OR4K1: variants seen among roughly 807,000 people sequenced by gnomAD.
The protein encoded by OR4K1 is olfactory receptor 4K1.
A neutral mutation model predicts 14.4 loss-of-function variants in OR4K1; 16 were observed. That is an observed-to-expected ratio of 1.11 (90% CI 0.75 to 1.68). OR4K1 has a LOEUF of 1.68. Among genes scored for constraint, OR4K1 ranks in the 40% most tolerant of loss-of-function variants. OR4K1 has a pLI of 0.00. For synonymous variants in OR4K1, 181 were observed against 133.1 expected (o/e 1.36, Z -2.48); for missense variants, 548 against 376.9 (o/e 1.45, Z -3.76).
chr14:19,930,876 T>C (rs1882169317), upstream of OR4K1: 5 of 152,404 alleles, frequency 3.3e-5, no homozygotes, highest in South Asian at 1.0e-3. Flanking sequence ...AGGCTTTATA[T>C]TGTATTGCCT....
At chr14:19,923,497 G>T in the OR4K1 span, among the ~76,000 whole-genome samples, 6 of 152,252 alleles carry the variant, frequency 3.9e-5, no homozygotes, top group South Asian at 8.3e-4. Context: ...GACATACAAA[G>T]ATATTTATTA....
rs779488081 is a variant in OR4K1, at chr14:19,935,825, C to T, written c.159C>T (p.Ser53=). The change falls in exon 2 of 2, where the codon TCC becomes TCT. Residue 53 remains serine, a synonymous_variant. Coordinates refer to ENST00000641172, the MANE Select transcript of OR4K1 (RefSeq NM_001004063.3). ...VLIIVIISFD[S]HLNSPMYFLL... ...TTATTGTCATTATTTCTTTTGACTC[C>T]CATTTGAACTCTCCTATGTACTTCT... 1.2e-6 allele frequency: 2 copies of T among 1,614,180 alleles called. No homozygotes were observed. The highest frequency in any genetic ancestry group is 2.2e-5 in the South Asian group (2 of 91,082).
At position 19,936,509 on chromosome 14, in the gene OR4K1, G is replaced by C. The variant is rs1172656944; in HGVS notation, c.843G>C (p.Leu281Phe). Residue 281 changes from leucine (L) to phenylalanine (F), a missense_variant, in exon 2 of 2, where the codon TTG becomes TTC. Transcript: ENST00000641172. Reference sequence around the variant, plus strand: ...TGTTCTACACTGTTTGTACTCCCTTGTTGAACCCCATCATCTACTCTCTGA... The same window carrying C: ...TGTTCTACACTGTTTGTACTCCCTTCTTGAACCCCATCATCTACTCTCTGA... Reference protein sequence around the residue: ...LSVFYTVCTPLLNPIIYSLRN... With the variant: ...LSVFYTVCTPFLNPIIYSLRN... 6.2e-7 allele frequency: 1 copy of C among 1,613,676 alleles called. No homozygotes were observed. The highest frequency in any genetic ancestry group is 2.2e-5 in the East Asian group (1 of 44,900).
chr14:19,923,720 G>C, the OR4K1 span, among the ~76,000 whole-genome samples: 2 of 152,326 alleles, frequency 1.3e-5, no homozygotes, highest in African/African-American at 4.8e-5. Flanking sequence ...GTAATGAAGA[G>C]TGTATTAGTA....
At chr14:19,920,610 G>T in the OR4K1 span, 53 of 1,601,434 alleles carry the variant, frequency 3.3e-5, no homozygotes, top group African/African-American at 6.5e-4. Flanking sequence ...TGGAACCATG[G>T]ATAAGTCCAA....
In OR4K1 at chr14:19,935,509, T is replaced by C. The variant is rs1882284319; in HGVS notation, c.-19-139T>C. 8 of 686,300 alleles carry C rather than the reference T, an allele frequency of 1.2e-5. No homozygotes were observed. In the Admixed American group the frequency reaches 2.5e-4, roughly 21 times the overall value. 42.5% of individuals were successfully genotyped at this position (686,300 alleles called of 1,614,324 possible). On this transcript the variant is annotated intron_variant, in intron 1 of 1. Coordinates refer to ENST00000641172, the MANE Select transcript of OR4K1 (RefSeq NM_001004063.3). ...GGATGTTAAATATTAGTCAACTGAG[T>C]ATTTACATACGTAAATATATGTAAC...
upstream of OR4K1, among the ~76,000 whole-genome samples, chr14:19,926,660 A>G (rs1882069278): frequency 6.6e-6 from 1 of 152,338 alleles, no homozygotes; most frequent in Non-Finnish European, 1.5e-5. Context: ...CATAAATACT[A>G]CTTTAGATCA....
At chr14:19,920,893 G>T in the OR4K1 span, 1 of 1,614,176 alleles carries the variant, frequency 6.2e-7, no homozygotes, top group Non-Finnish European at 8.5e-7. Context: ...TCTTTCAGTG[G>T]CTGCATAGCC....
At chr14:19,932,339 C>CTCT (rs1162693223) in intron 1 of OR4K1, among the ~76,000 whole-genome samples, 5 of 151,390 alleles carry the variant, frequency 3.3e-5, no homozygotes, top group Non-Finnish European at 7.4e-5. Context: ...TTTCTTCCTC[C>CTCT]TCCTCCTCCT....
chr14:19,928,137 C>T (rs1882099883), upstream of OR4K1, among the ~76,000 whole-genome samples: 1 of 152,212 alleles, frequency 6.6e-6, no homozygotes, highest in South Asian at 2.1e-4. Context: ...AATTTTGTGT[C>T]ACCAGTAGCT....
At chr14:19,934,862 G>A (rs532550720) in intron 1 of OR4K1, among the ~76,000 whole-genome samples, 32 of 152,180 alleles carry the variant, frequency 2.1e-4, no homozygotes, top group African/African-American at 7.2e-4. Context: ...TAGTAGAGAC[G>A]GGGTTTCACC....
At chr14:19,924,192 G>A in the OR4K1 span, among the ~76,000 whole-genome samples, 3 of 152,264 alleles carry the variant, frequency 2.0e-5, no homozygotes, top group East Asian at 5.8e-4. Flanking sequence ...CCTGAGGTCA[G>A]GAATTCAAGA....
At chr14:19,932,539 A>G (rs1456831714) in intron 1 of OR4K1, among the ~76,000 whole-genome samples, 1 of 152,244 alleles carries the variant, frequency 6.6e-6, no homozygotes, top group African/African-American at 2.4e-5. Flanking sequence ...TCATTCCATT[A>G]GAAATTTTAG....
At chr14:19,921,886 G>T in the OR4K1 span, among the ~76,000 whole-genome samples, 1 of 152,218 alleles carries the variant, frequency 6.6e-6, no homozygotes, top group East Asian at 1.9e-4. Context: ...CTAATTCTCT[G>T]GTGGGCATAC....
chr14:19,935,877 A>G lies in OR4K1; in HGVS notation c.211A>G (p.Ile71Val). 6.2e-7 allele frequency: 1 copy of G among 1,614,256 alleles called. No individual in the cohort carries two copies. The change falls in exon 2 of 2, where the codon ATC becomes GTC. Residue 71 changes from isoleucine (I) to valine (V), a missense_variant. By Grantham distance (29) the Ile-to-Val change is conservative (BLOSUM62 3). Transcript: ENST00000641172. ...FLLSNLSFID[I>V]CQSNFATPKM... ...GCTCAGTAATCTTTCTTTCATTGAT[A>G]TCTGTCAGTCTAACTTTGCCACCCC...
chr14:19,930,901 T>C (rs1252976274), upstream of OR4K1: 1 of 152,298 alleles, frequency 6.6e-6, no homozygotes, highest in Non-Finnish European at 1.5e-5. Flanking sequence ...TTATTGTAAT[T>C]GCTCGGTTGA....
At chr14:19,922,597 T>C in the OR4K1 span, among the ~76,000 whole-genome samples, 1 of 152,340 alleles carries the variant, frequency 6.6e-6, no homozygotes, top group Admixed American at 6.5e-5. Context: ...GTATTTTTTT[T>C]TTTCAAAGTA....
chr14:19,921,508 T>C, the OR4K1 span: 5 of 1,613,976 alleles, frequency 3.1e-6, no homozygotes, highest in Non-Finnish European at 4.2e-6. Context: ...GTAAGGAAAA[T>C]TGTGAACCAT....
In OR4K1 at chr14:19,935,653, T is replaced by G; in HGVS notation, c.-14T>G. On this transcript the variant is annotated 5_prime_UTR_variant, in exon 2 of 2. Transcript: ENST00000641172. The stretch of plus-strand genomic sequence containing the variant: ...TTCTGATTTCTTTTTTTTAGGTAAC[T>G]GAATATTGGATACATGGCTCACACA... 6.4e-7 allele frequency: 1 copy of G among 1,558,236 alleles called. No homozygotes were observed. The highest frequency in any genetic ancestry group is 8.7e-7 in the Non-Finnish European group (1 of 1,155,878).
Sources: gnomAD v4.1 joint callset for allele counts (sites outside exome capture counted in the v4.1 genomes callset) on GRCh38, gnomAD v4.1.1 for gene constraint, MANE v1.5 for transcripts, NCBI Gene and HGNC (gene_info 2026-07-23, HGNC 2026-07-21) for gene names.